The following PHACTR3 variants were observed in gnomAD, a reference collection of about 807,000 sequenced individuals.
PHACTR3 encodes phosphatase and actin regulator 3.
PHACTR3 carries 16 observed loss-of-function variants against 66.8 expected under a neutral mutation model. That is an observed-to-expected ratio of 0.24 (90% confidence interval 0.16 to 0.36). The LOEUF is 0.36. Ranked by LOEUF, PHACTR3 falls within the 10% of genes least tolerant of loss-of-function variation. The pLI, the probability that PHACTR3 is intolerant of heterozygous loss-of-function variation, is 1.00. For missense variants in PHACTR3, 647 were observed against 719.9 expected (o/e 0.90, Z 1.16); for synonymous variants, 323 against 292.1 (o/e 1.11, Z -1.08).
At chr20:59,748,587 G>T (rs530511495) in intron 3 of PHACTR3, among the ~76,000 whole-genome samples, 3 of 152,288 alleles carry the variant, frequency 2.0e-5, no homozygotes, top group East Asian at 3.9e-4. Flanking sequence ...CTTTGTGATG[G>T]ATTCCTGGAG....
rs538498115 is a variant in PHACTR3, at chr20:59,814,204, A to G, written c.1328+8010A>G. Among the ~76,000 whole-genome samples, 7 of 152,266 alleles carry G rather than the reference A, an allele frequency of 4.6e-5. No individual in the cohort carries two copies. In the South Asian group the frequency reaches 1.5e-3, roughly 32 times the overall value. On this transcript the variant is annotated intron_variant, in intron 8 of 12. Coordinates refer to ENST00000371015, the MANE Select transcript of PHACTR3 (RefSeq NM_080672.5). ...AGTGCAGGGCTGGTTTGGGAGAGCA[A>G]GGCTAGAGCTGGGTGGGGAGACAAG... is the stretch of plus-strand genomic sequence containing the variant.
Position 59,604,859 on chromosome 20 carries a change from C to T in PHACTR3, c.-156C>T. 8.3e-7 allele frequency: 1 copy of T among 1,207,758 alleles called. No individual in the cohort carries two copies. 74.8% of individuals were successfully genotyped at this position (1,207,758 alleles called of 1,614,324 possible). On this transcript the variant is annotated 5_prime_UTR_variant, in exon 1 of 13. Coordinates refer to ENST00000371015, the MANE Select transcript of PHACTR3 (RefSeq NM_080672.5). ...AGCCAGCCCCGGCGTCTTTCTCCAG[C>T]TCGTTTCCTTTCCCGGCCTTTTTTT...
chr20:59,727,333 A>G (rs1034645925), intron 1 of PHACTR3, among the ~76,000 whole-genome samples: 2 of 151,926 alleles, frequency 1.3e-5, no homozygotes, highest in East Asian at 3.9e-4. Flanking sequence ...TGATGTGTCC[A>G]TTTGTCCGCT....
chr20:59,642,432 T>C (rs1600990196), intron 1 of PHACTR3, among the ~76,000 whole-genome samples: 1 of 100,414 alleles, frequency 1.0e-5, no homozygotes, highest in African/African-American at 4.0e-5. Flanking sequence ...ACCCCAGAGA[T>C]AACCCCTGTG....
At chr20:59,814,472 C>T (rs2041831815) in intron 8 of PHACTR3, among the ~76,000 whole-genome samples, 1 of 152,182 alleles carries the variant, frequency 6.6e-6, no homozygotes. Flanking sequence ...GGGTTTTTGG[C>T]AGTGCTTCCA....
chr20:59,708,513 C>T (rs977103431), intron 1 of PHACTR3, among the ~76,000 whole-genome samples: 1 of 152,158 alleles, frequency 6.6e-6, no homozygotes, highest in African/African-American at 2.4e-5. Context: ...ATGTGCAGGC[C>T]TGGGTTCTAC....
chr20:59,588,736 A>G (rs914223494), intron 1 of PHACTR3, among the ~76,000 whole-genome samples: 2 of 147,606 alleles, frequency 1.4e-5, no homozygotes, highest in Non-Finnish European at 3.0e-5. Flanking sequence ...CCTGGCCTCC[A>G]TGCCTGGCAC....
chr20:59,611,690 C>T lies in PHACTR3; in HGVS notation c.118+6558C>T, dbSNP rs74371958. 2.7e-3 allele frequency among the ~76,000 whole-genome samples: 418 copies of T among 152,318 alleles called. 5 individuals carry two copies. Among genetic ancestry groups the T allele is most frequent in the African/African-American group, 9.8e-3 (407 of 41,576 alleles). On this transcript the variant is annotated intron_variant, in intron 1 of 12. Coordinates refer to ENST00000371015, the MANE Select transcript of PHACTR3 (RefSeq NM_080672.5). ...CTCACCTTTTGTGGAGGCTGTGTCT[C>T]CCCTACCCCTGCCTCCCTCTCCGGC... is the stretch of plus-strand genomic sequence containing the variant.
In PHACTR3 at chr20:59,829,725, C is replaced by T. The variant is rs2042296158; in HGVS notation, c.1329-6780C>T. On this transcript the variant is annotated intron_variant, in intron 8 of 12. Transcript: ENST00000371015. The surrounding 1 kb of genome is among the most constrained non-coding windows in gnomAD (Gnocchi z 4.2). ...GCCTCCCAAAATAGCCCGGGCGTCC[C>T]CTGTGGGTGTCGAGCTGTCTGTTCT... is the stretch of plus-strand genomic sequence containing the variant. Among the ~76,000 whole-genome samples, 1 of 152,234 alleles carries T rather than the reference C, an allele frequency of 6.6e-6. No individual in the cohort carries two copies.
intron 1 of PHACTR3, among the ~76,000 whole-genome samples, chr20:59,707,453 C>T (rs992586408): frequency 1.5e-5 from 2 of 132,012 alleles, no homozygotes; most frequent in East Asian, 4.4e-4. Context: ...CTCTTGCTCC[C>T]ACTCTTTTTT....
chr20:59,749,112 G>A (rs2039482517), intron 3 of PHACTR3, among the ~76,000 whole-genome samples: 2 of 152,260 alleles, frequency 1.3e-5, no homozygotes, highest in Admixed American at 6.5e-5. Flanking sequence ...GATGGTTAAC[G>A]CCGTCGTGAC....
chr20:59,778,106 C>T (rs1055195627), intron 7 of PHACTR3, among the ~76,000 whole-genome samples: 2 of 152,178 alleles, frequency 1.3e-5, no homozygotes, highest in African/African-American at 2.4e-5. Flanking sequence ...GTCCAGCCAA[C>T]TCCCTCTTCT....
intron 1 of PHACTR3, among the ~76,000 whole-genome samples, chr20:59,712,682 C>T (rs1277823517): frequency 6.6e-6 from 1 of 152,208 alleles, no homozygotes; most frequent in East Asian, 1.9e-4. Flanking sequence ...GTTGATTGTG[C>T]AATTTCTTTC....
chr20:59,802,448 C>T (rs2041440833), intron 7 of PHACTR3, among the ~76,000 whole-genome samples: 1 of 152,200 alleles, frequency 6.6e-6, no homozygotes, highest in African/African-American at 2.4e-5. Context: ...AGAAGAGAGC[C>T]TTTCACAAAG....
chr20:59,629,181 T>C (rs563816906), intron 1 of PHACTR3, among the ~76,000 whole-genome samples: 56 of 152,350 alleles, frequency 3.7e-4, no homozygotes, highest in African/African-American at 1.3e-3. Flanking sequence ...CGTGTGTGGA[T>C]GCTGACTGGA....
chr20:59,805,670 G>C (rs1438443199), intron 7 of PHACTR3, among the ~76,000 whole-genome samples: 1 of 152,178 alleles, frequency 6.6e-6, no homozygotes, highest in Non-Finnish European at 1.5e-5. Context: ...AGCTGGGTGG[G>C]GGCAGTGGCC....
intron 1 of PHACTR3, among the ~76,000 whole-genome samples, chr20:59,635,169 C>CTTTCTTTCTTTCTTTCTTT (rs1555881178): frequency 1.1e-4 from 6 of 55,340 alleles, no homozygotes; most frequent in African/African-American, 4.5e-4. Context: ...TTCTTTCTTT[C>CTTTCTTTCTTTCTTTCTTT]CTTTCTTTCT....
chr20:59,778,502 CTG>C (rs1344149322), intron 7 of PHACTR3, among the ~76,000 whole-genome samples: 1 of 152,242 alleles, frequency 6.6e-6, no homozygotes, highest in African/African-American at 2.4e-5. Context: ...CACCTGGCCG[CTG>C]TGTGGCAACA....
At chr20:59,690,828 G>T (rs761917765) in intron 1 of PHACTR3, among the ~76,000 whole-genome samples, 1 of 152,112 alleles carries the variant, frequency 6.6e-6, no homozygotes, top group Non-Finnish European at 1.5e-5. Context: ...CTAATGAGTT[G>T]CTACCTGTTC....
Sources: gnomAD v4.1 joint callset for allele counts (sites outside exome capture counted in the v4.1 genomes callset) on GRCh38, gnomAD v4.1.1 for gene constraint, Gnocchi (gnomAD v3.1) non-coding constraint, MANE v1.5 for transcripts, NCBI Gene and HGNC (gene_info 2026-07-23, HGNC 2026-07-21) for gene names.